The following HDX variants were observed in gnomAD, a reference collection of about 807,000 sequenced individuals.
HDX encodes highly divergent homeobox.
In HDX, 19 loss-of-function variants were observed where a neutral mutation model predicts 45.2. The observed-to-expected ratio is 0.42, with a 90% CI of 0.29 to 0.62. The LOEUF (loss-of-function observed/expected upper bound fraction) is 0.62. Ranked by LOEUF, HDX falls within the 20% of genes least tolerant of loss-of-function variation. HDX has a pLI of 0.20. For synonymous variants in HDX, 188 were observed against 172.8 expected (o/e 1.09, Z -0.69); for missense variants, 532 against 493.9 (o/e 1.08, Z -0.73).
chrX:84,372,661 C>A (rs937584610), intron 5 of HDX, among the ~76,000 whole-genome samples: 3 of 111,919 alleles, frequency 2.7e-5, no homozygotes, highest in African/African-American at 9.7e-5. Flanking sequence ...ATCTAAAGCA[C>A]AACAAATAAC....
At chrX:84,365,820 G>T (rs1236426889) in intron 5 of HDX, among the ~76,000 whole-genome samples, 2 of 111,197 alleles carry the variant, frequency 1.8e-5, no homozygotes, top group East Asian at 5.7e-4. Flanking sequence ...ACTAGGTATT[G>T]ATGGAATGTA....
intron 3 of HDX, among the ~76,000 whole-genome samples, chrX:84,474,339 T>G (rs780138149): frequency 8.0e-5 from 9 of 112,454 alleles, no homozygotes; most frequent in Non-Finnish European, 1.7e-4. Context: ...GATATTTTTG[T>G]CTAGAATTGG....
intron 10 of HDX, 34 bp from the exon 11 acceptor site, chrX:84,322,048 T>A: frequency 1.0e-6 from 1 of 989,433 alleles, no homozygotes; most frequent in African/African-American, 1.9e-5. Flanking sequence ...TGGATTAGTA[T>A]GTGGATAGAT....
chrX:84,358,475 T>C (rs1470307187), intron 6 of HDX, among the ~76,000 whole-genome samples: 3 of 112,013 alleles, frequency 2.7e-5, no homozygotes, highest in African/African-American at 6.5e-5. Flanking sequence ...CAGTCATTTT[T>C]TTTCTTGTGT....
At chrX:84,490,809 T>C (rs2040879200) in intron 1 of HDX, among the ~76,000 whole-genome samples, 1 of 111,393 alleles carries the variant, frequency 9.0e-6, no homozygotes, top group African/African-American at 3.2e-5. Context: ...TTTTTTTATA[T>C]ATAAAATTCT....
chrX:84,367,600 C>T (rs1173826558), intron 5 of HDX, among the ~76,000 whole-genome samples: 1 of 112,188 alleles, frequency 8.9e-6, no homozygotes, highest in African/African-American at 3.2e-5. Flanking sequence ...TGCAACCAAC[C>T]CAAATGTCCA....
intron 1 of HDX, among the ~76,000 whole-genome samples, chrX:84,492,121 C>A (rs2040904210): frequency 9.0e-6 from 1 of 110,866 alleles, no homozygotes; most frequent in Non-Finnish European, 1.9e-5. Context: ...AGACTCCTAG[C>A]CTTTTTGGGC....
intron 1 of HDX, among the ~76,000 whole-genome samples, chrX:84,491,673 T>C (rs891067504): frequency 8.9e-6 from 1 of 111,754 alleles, no homozygotes; most frequent in Admixed American, 9.6e-5. Context: ...TTTGGGGATA[T>C]ATTTAAGTTA....
At chrX:84,323,173 G>A (rs1016327083) in intron 10 of HDX, among the ~76,000 whole-genome samples, 1 of 110,959 alleles carries the variant, frequency 9.0e-6, no homozygotes, top group Non-Finnish European at 1.9e-5. Flanking sequence ...TGGCAGACTA[G>A]CTGTTATTAT....
intron 2 of HDX, among the ~76,000 whole-genome samples, chrX:84,482,419 A>ACAAT (rs1036727589): frequency 5.5e-4 from 61 of 111,746 alleles, no homozygotes; most frequent in African/African-American, 1.9e-3. Flanking sequence ...CAGGAAACTT[A>ACAAT]CAATCATGGC....
intron 9 of HDX, among the ~76,000 whole-genome samples, chrX:84,330,269 A>T (rs1426504259): frequency 8.9e-6 from 1 of 111,782 alleles, no homozygotes; most frequent in East Asian, 2.8e-4. Flanking sequence ...GTAGCCTATG[A>T]CTATTCTTTG....
chrX:84,423,083 G>A (rs1479405373), intron 5 of HDX, among the ~76,000 whole-genome samples: 2 of 110,869 alleles, frequency 1.8e-5, no homozygotes, highest in Non-Finnish European at 3.8e-5. Flanking sequence ...ACTGCAGAAA[G>A]TTAAAGGATC....
intron 5 of HDX, among the ~76,000 whole-genome samples, chrX:84,366,636 A>G (rs1192133025): frequency 6.3e-5 from 7 of 111,293 alleles, no homozygotes; most frequent in Non-Finnish European, 1.3e-4. Context: ...AAAACAGACA[A>G]ATAGACCAAT....
At chrX:84,385,908 G>T (rs751953396) in intron 5 of HDX, among the ~76,000 whole-genome samples, 4 of 100,258 alleles carry the variant, frequency 4.0e-5, no homozygotes, top group African/African-American at 7.3e-5. Flanking sequence ...AGGAGTGGTG[G>T]TTGTGGGCAT....
intron 10 of HDX, among the ~76,000 whole-genome samples, chrX:84,323,207 C>T (rs1298656772): frequency 9.0e-6 from 1 of 110,949 alleles, no homozygotes; most frequent in Non-Finnish European, 1.9e-5. Context: ...TTGAATTTCT[C>T]ATTAATTTAT....
intron 4 of HDX, among the ~76,000 whole-genome samples, chrX:84,462,895 C>T (rs1043910113): frequency 9.0e-6 from 1 of 110,886 alleles, no homozygotes; most frequent in African/African-American, 3.3e-5. Context: ...AACTTAAAAA[C>T]ATCATACTAA....
intron 4 of HDX, among the ~76,000 whole-genome samples, chrX:84,467,987 G>T (rs957305682): frequency 1.3e-4 from 14 of 111,453 alleles, no homozygotes; most frequent in Admixed American, 2.9e-4. Context: ...TTTCTAAAAA[G>T]CAGTTGGCTG....
chrX:84,421,308 T>A (rs1322206649), intron 5 of HDX, among the ~76,000 whole-genome samples: 1 of 111,703 alleles, frequency 9.0e-6, no homozygotes, highest in African/African-American at 3.2e-5. Flanking sequence ...AGTATTAGTT[T>A]CCGTTTTGCT....
intron 1 of HDX, among the ~76,000 whole-genome samples, chrX:84,495,201 G>A (rs1237075250): frequency 1.8e-5 from 2 of 110,842 alleles, no homozygotes; most frequent in Non-Finnish European, 3.8e-5. Flanking sequence ...CTGGAGAACA[G>A]TGAGGGATTG....
Sources: gnomAD v4.1 joint callset for allele counts (sites outside exome capture counted in the v4.1 genomes callset) on GRCh38, gnomAD v4.1.1 for gene constraint, MANE v1.5 for transcripts, NCBI Gene and HGNC (gene_info 2026-07-23, HGNC 2026-07-21) for gene names.